NEK7: variants seen among roughly 807,000 people sequenced by gnomAD.
NEK7 encodes serine/threonine-protein kinase Nek7.
NEK7 carries 18 observed loss-of-function variants against 44.6 expected under a neutral mutation model. That is an observed-to-expected ratio of 0.40 (90% confidence interval 0.28 to 0.60). NEK7 has a LOEUF of 0.60. NEK7 is among the 20% of genes least tolerant of loss of function. The pLI is 0.38. For missense variants in NEK7, 256 were observed against 366.5 expected, an observed-to-expected ratio of 0.70 and a Z score of 2.46; for synonymous variants, 130 against 121.1, an observed-to-expected ratio of 1.07 and a Z score of -0.48.
At chr1:198,187,005 T>C (rs1370231158) in intron 1 of NEK7, among the ~76,000 whole-genome samples, 1 of 152,212 alleles carries the variant, frequency 6.6e-6, no homozygotes, top group Non-Finnish European at 1.5e-5. Context: ...CATTATGACT[T>C]GTACAAAGGA....
At chr1:198,172,525 T>C (rs1268949287) in intron 1 of NEK7, among the ~76,000 whole-genome samples, 1 of 152,194 alleles carries the variant, frequency 6.6e-6, no homozygotes, top group East Asian at 1.9e-4. Context: ...TGTCCCAGTA[T>C]AGTTTAAGAA....
intron 1 of NEK7, chr1:198,197,665 T>TG (rs1300838552): frequency 2.9e-6 from 1 of 349,104 alleles, no homozygotes; most frequent in East Asian, 7.1e-5. Context: ...TAGGCTCAGG[T>TG]GGGGGTAGGG....
intron 1 of NEK7, among the ~76,000 whole-genome samples, chr1:198,203,307 A>G (rs1201065304): frequency 6.6e-6 from 1 of 152,150 alleles, no homozygotes; most frequent in African/African-American, 2.4e-5. Flanking sequence ...TTAAAGAAAA[A>G]TCTTTTGTAT....
chr1:198,281,025 T>C (rs1415912857), intron 7 of NEK7, among the ~76,000 whole-genome samples: 3 of 151,892 alleles, frequency 2.0e-5, no homozygotes, highest in Non-Finnish European at 4.4e-5. Context: ...AAGATTTTGA[T>C]TGTTTAAAAC....
rs371598120 is a variant in NEK7 at position 198,235,369 on chromosome 1, C to T, written c.57+2732C>T. ...TTTTTTCTATCAGCTCCACTCCTTCCCACCCTCCCTTCTTTTCCCCCTTTC... is the reference window on the plus strand; with the variant it reads ...TTTTTTCTATCAGCTCCACTCCTTCTCACCCTCCCTTCTTTTCCCCCTTTC... On this transcript the variant is annotated intron_variant, in intron 2 of 9. Transcript: ENST00000367385. Among the ~76,000 whole-genome samples, 11 of 152,116 alleles carry T rather than the reference C, an allele frequency of 7.2e-5. No homozygotes were observed. The South Asian group carries it at 1.5e-3, about 20-fold the overall frequency.
At chr1:198,316,398 T>G (rs2103045842) in intron 9 of NEK7, among the ~76,000 whole-genome samples, 1 of 152,336 alleles carries the variant, frequency 6.6e-6, no homozygotes, top group South Asian at 2.1e-4. Context: ...TGACCCAAGA[T>G]GAGGGTTGCA....
chr1:198,173,723 T>G (rs1664520797), intron 1 of NEK7, among the ~76,000 whole-genome samples: 1 of 152,156 alleles, frequency 6.6e-6, no homozygotes, highest in African/African-American at 2.4e-5. Flanking sequence ...TATAATTTCA[T>G]TTTGAAAGCC....
intron 2 of NEK7, among the ~76,000 whole-genome samples, chr1:198,251,833 G>T (rs1185452480): frequency 6.6e-6 from 1 of 152,014 alleles, no homozygotes; most frequent in Non-Finnish European, 1.5e-5. Flanking sequence ...CCAGCTCCTG[G>T]ATTCATTAAT....
intron 1 of NEK7, among the ~76,000 whole-genome samples, chr1:198,175,713 T>G (rs1353847357): frequency 6.6e-6 from 1 of 152,234 alleles, no homozygotes; most frequent in Non-Finnish European, 1.5e-5. Context: ...GTGTCCACAG[T>G]TAACCTAAAC....
At chr1:198,270,692 CTT>C (rs1045074312) in intron 5 of NEK7, among the ~76,000 whole-genome samples, 15 of 152,150 alleles carry the variant, frequency 9.9e-5, no homozygotes, top group Non-Finnish European at 4.4e-5. Context: ...CCTTAAAACT[CTT>C]TTTCTTTATA....
chr1:198,281,066 CA>C (rs1654180862), intron 7 of NEK7, among the ~76,000 whole-genome samples: 2 of 151,714 alleles, frequency 1.3e-5, no homozygotes, highest in African/African-American at 4.8e-5. Context: ...GCATTGAATA[CA>C]AATAATTAAA....
intron 1 of NEK7, among the ~76,000 whole-genome samples, chr1:198,178,829 G>A (rs963429358): frequency 1.3e-5 from 2 of 151,950 alleles, no homozygotes; most frequent in African/African-American, 4.8e-5. Flanking sequence ...TAATGGTACA[G>A]TTAAAGAGTC....
chr1:198,281,185 A>G (rs1253580678), intron 7 of NEK7, among the ~76,000 whole-genome samples: 1 of 152,094 alleles, frequency 6.6e-6, no homozygotes, highest in African/African-American at 2.4e-5. Flanking sequence ...TAGCAAGGAT[A>G]GAAATCCTGA....
At chr1:198,210,907 T>C (rs940261640) in intron 1 of NEK7, among the ~76,000 whole-genome samples, 5 of 151,326 alleles carry the variant, frequency 3.3e-5, no homozygotes, top group Non-Finnish European at 5.9e-5. Context: ...CGCCCGCCAC[T>C]ACGCCCGGCT....
chr1:198,215,546 C>G (rs1020891446), intron 1 of NEK7, among the ~76,000 whole-genome samples: 4 of 98,812 alleles, frequency 4.0e-5, no homozygotes, highest in East Asian at 6.4e-4. Flanking sequence ...CAAGACAATT[C>G]TTCTTCTTCT....
intron 1 of NEK7, among the ~76,000 whole-genome samples, chr1:198,213,256 CA>C (rs1665827645): frequency 6.6e-6 from 1 of 152,166 alleles, no homozygotes; most frequent in East Asian, 1.9e-4. Flanking sequence ...CCCTGTGGGA[CA>C]AAAGAAACCA....
intron 2 of NEK7, among the ~76,000 whole-genome samples, chr1:198,240,409 G>A (rs926810644): frequency 6.6e-5 from 10 of 151,592 alleles, no homozygotes; most frequent in African/African-American, 2.2e-4. Flanking sequence ...GAGCGATGGG[G>A]CAAAGATGAG....
chr1:198,273,984 T>A (rs1488378333), intron 5 of NEK7, among the ~76,000 whole-genome samples: 1 of 151,430 alleles, frequency 6.6e-6, no homozygotes. Context: ...AACCAGTTAC[T>A]GTCAAACCTT....
intron 2 of NEK7, among the ~76,000 whole-genome samples, chr1:198,250,444 G>A (rs962138029): frequency 5.3e-5 from 8 of 151,684 alleles, no homozygotes; most frequent in Non-Finnish European, 8.8e-5. Flanking sequence ...GATGGGAACG[G>A]CATTGAATCT....
Sources: gnomAD v4.1 joint callset for allele counts (sites outside exome capture counted in the v4.1 genomes callset) on GRCh38, gnomAD v4.1.1 for gene constraint, MANE v1.5 for transcripts, NCBI Gene and HGNC (gene_info 2026-07-23, HGNC 2026-07-21) for gene names.